Variants in NKAIN3 observed in about 807,000 individuals in gnomAD.
NKAIN3 encodes the protein sodium/potassium transporting ATPase interacting 3.
In NKAIN3, 25 loss-of-function variants were observed where a neutral mutation model predicts 30.2. The observed-to-expected ratio is 0.83, with a 90% CI of 0.60 to 1.16. NKAIN3 has a LOEUF of 1.16. Among genes scored for constraint, NKAIN3 ranks in the 50% most tolerant of loss-of-function variants. The probability of loss-of-function intolerance (pLI) is 0.00; values close to 1 mark genes in which losing one functional copy is unlikely to be tolerated. For missense variants in NKAIN3, 225 were observed against 254.1 expected (o/e 0.89, Z 0.78); for synonymous variants, 91 against 89.6 (o/e 1.02, Z -0.09).
intron 1 of NKAIN3, among the ~76,000 whole-genome samples, chr8:62,537,730 C>A (rs1273086544): frequency 1.3e-5 from 2 of 151,976 alleles, no homozygotes; most frequent in African/African-American, 2.4e-5. Flanking sequence ...GTTATGAATT[C>A]TTTAAGAATC....
At chr8:62,988,066 T>C (rs1824240257), downstream of NKAIN3, among the ~76,000 whole-genome samples, 1 of 152,154 alleles carries the variant, frequency 6.6e-6, no homozygotes, top group Admixed American at 6.5e-5. Flanking sequence ...ACCTTAAATT[T>C]CCAAAATGAT....
rs1414230707 is a variant in NKAIN3 at position 62,977,602 on chromosome 8, C to A, written c.*12195C>A. Reference sequence around the variant, plus strand: ...TCTCTAAACTGGTTATTCTAGTTAGCAATTCCTCTAACCTTTTATCAAGGT... The same window carrying A: ...TCTCTAAACTGGTTATTCTAGTTAGAAATTCCTCTAACCTTTTATCAAGGT... On this transcript the variant is annotated 3_prime_UTR_variant, in exon 7 of 7. Transcript: ENST00000623646. 6.6e-6 allele frequency among the ~76,000 whole-genome samples: 1 copy of A among 152,054 alleles called. No homozygotes were observed. Among genetic ancestry groups the A allele is most frequent in the Admixed American group, 6.6e-5 (1 of 15,252 alleles).
intron 3 of NKAIN3, among the ~76,000 whole-genome samples, chr8:62,740,901 G>A (rs1815843831): frequency 6.6e-6 from 1 of 151,790 alleles, no homozygotes; most frequent in African/African-American, 2.4e-5. Flanking sequence ...TTTCTTTTAA[G>A]TCATAACTCT....
At chr8:62,664,007 T>G (rs1241801577) in intron 3 of NKAIN3, among the ~76,000 whole-genome samples, 2 of 152,082 alleles carry the variant, frequency 1.3e-5, no homozygotes, top group Non-Finnish European at 2.9e-5. Flanking sequence ...TTTCACTATT[T>G]TTCATCATAT....
chr8:62,604,559 G>T (rs1453922220), intron 3 of NKAIN3, among the ~76,000 whole-genome samples: 1 of 152,088 alleles, frequency 6.6e-6, no homozygotes, highest in African/African-American at 2.4e-5. Context: ...ATAAAAGCAT[G>T]TAACACATAA....
Position 62,317,636 on chromosome 8 carries a change from T to A in NKAIN3, c.54+68509T>A, listed in dbSNP as rs1016835264. Among the ~76,000 whole-genome samples, 20 of 152,358 alleles carry A rather than the reference T, an allele frequency of 1.3e-4. 1 individual carries two copies. The highest frequency in any genetic ancestry group is 7.3e-5 in the Non-Finnish European group (5 of 68,028). ...CTCTGTTCTGTTCCATTCATCTATA[T>A]CTCTGTTTTGGTACCAGCACCATGC... On this transcript the variant is annotated intron_variant, in intron 1 of 6. Coordinates refer to ENST00000623646, the MANE Select transcript of NKAIN3 (RefSeq NM_001304533.3).
chr8:62,433,446 C>T (rs1249176444), intron 1 of NKAIN3, among the ~76,000 whole-genome samples: 1 of 152,028 alleles, frequency 6.6e-6, no homozygotes. Flanking sequence ...GAAAAAAATA[C>T]AAGCAAAGTT....
At chr8:62,451,987 T>A (rs1805655080) in intron 1 of NKAIN3, among the ~76,000 whole-genome samples, 1 of 152,196 alleles carries the variant, frequency 6.6e-6, no homozygotes. Context: ...AATAGGTAGT[T>A]GTAAATGTTT....
At chr8:62,358,020 A>G (rs763633529) in intron 1 of NKAIN3, among the ~76,000 whole-genome samples, 28 of 152,296 alleles carry the variant, frequency 1.8e-4, no homozygotes, top group Admixed American at 5.2e-4. Flanking sequence ...TTTGGTTGAT[A>G]TTTTAAGAGT....
At chr8:62,384,179 C>T (rs1294167891) in intron 1 of NKAIN3, among the ~76,000 whole-genome samples, 2 of 152,118 alleles carry the variant, frequency 1.3e-5, no homozygotes, top group Non-Finnish European at 2.9e-5. Flanking sequence ...ATGAACTTCT[C>T]ATGTGAAGAT....
rs141035932 is a variant in NKAIN3, at chr8:62,304,777, A to G, written c.54+55650A>G. On this transcript the variant is annotated intron_variant, in intron 1 of 6. Coordinates refer to ENST00000623646, the MANE Select transcript of NKAIN3 (RefSeq NM_001304533.3). Reference sequence around the variant, plus strand: ...CTTCTGATGGAACTCAACCAGAGTGACAGCATCCTGCTGTGGTTGTGTCCT... The same window carrying G: ...CTTCTGATGGAACTCAACCAGAGTGGCAGCATCCTGCTGTGGTTGTGTCCT... Among the ~76,000 whole-genome samples the G allele has an allele frequency of 6.2e-3, 937 of 150,444 alleles. 14 individuals carry two copies. The highest frequency in any genetic ancestry group is 0.017 in the Middle Eastern group (5 of 294).
At chr8:62,315,670 T>TAAAA (rs1814597830) in intron 1 of NKAIN3, among the ~76,000 whole-genome samples, 1 of 152,104 alleles carries the variant, frequency 6.6e-6, no homozygotes, top group African/African-American at 2.4e-5. Flanking sequence ...GGTGTCCAGT[T>TAAAA]AAAAAAATGA....
intron 3 of NKAIN3, among the ~76,000 whole-genome samples, chr8:62,704,014 C>T (rs1814434478): frequency 6.6e-6 from 1 of 152,120 alleles, no homozygotes; most frequent in African/African-American, 2.4e-5. Flanking sequence ...GTGCTGGTTA[C>T]TCCATAGACT....
chr8:62,489,545 A>G (rs1807006819), intron 1 of NKAIN3, among the ~76,000 whole-genome samples: 1 of 152,176 alleles, frequency 6.6e-6, no homozygotes. Flanking sequence ...CTGGGTAACC[A>G]AGATTTTTTA....
intron 1 of NKAIN3, among the ~76,000 whole-genome samples, chr8:62,416,976 G>A (rs996080258): frequency 8.6e-5 from 13 of 151,654 alleles, no homozygotes; most frequent in Non-Finnish European, 1.5e-5. Flanking sequence ...GGGTGACAGA[G>A]CGAAACTCCA....
chr8:62,855,741 G>C, intron 4 of NKAIN3: 1 of 1,428,570 alleles, frequency 7.0e-7, no homozygotes. Flanking sequence ...TTGTCCACCT[G>C]CTCTGGAGTT....
chr8:62,383,604 G>GT (rs1489421961), intron 1 of NKAIN3: 4 of 440,016 alleles, frequency 9.1e-6, no homozygotes, highest in Non-Finnish European at 1.8e-5. Context: ...TATCTTGACA[G>GT]TTTTTTAAGC....
chr8:62,878,775 C>A (rs1346160133), intron 4 of NKAIN3, among the ~76,000 whole-genome samples: 1 of 149,790 alleles, frequency 6.7e-6, no homozygotes. Flanking sequence ...GGTTTTTTGT[C>A]CTTGTGATAG....
chr8:62,709,291 G>T (rs1472474469), intron 3 of NKAIN3, among the ~76,000 whole-genome samples: 1 of 152,074 alleles, frequency 6.6e-6, no homozygotes, highest in East Asian at 1.9e-4. Flanking sequence ...GTGTCGAAAG[G>T]ATTGGTCCAA....
Sources: gnomAD v4.1 joint callset for allele counts (sites outside exome capture counted in the v4.1 genomes callset) on GRCh38, gnomAD v4.1.1 for gene constraint, MANE v1.5 for transcripts, NCBI Gene and HGNC (gene_info 2026-07-23, HGNC 2026-07-21) for gene names.